The following ARHGAP19 variants were observed in gnomAD, a reference collection of about 807,000 sequenced individuals.
ARHGAP19 encodes the protein Rho GTPase activating protein 19.
A neutral mutation model predicts 60.9 loss-of-function variants in ARHGAP19; 48 were observed. The observed-to-expected ratio is 0.79, with a 90% confidence interval of 0.62 to 1.00. The LOEUF (loss-of-function observed/expected upper bound fraction) is 1.00, where lower values mean the gene tolerates loss of function less well. Among genes scored for constraint, ARHGAP19 ranks in the 50% least tolerant of loss-of-function variants. The probability of loss-of-function intolerance (pLI) is 0.00; values close to 1 mark genes in which losing one functional copy is unlikely to be tolerated. For synonymous variants in ARHGAP19, 209 were observed against 215.5 expected (o/e 0.97, Z 0.27); for missense variants, 562 against 597.2 (o/e 0.94, Z 0.61).
rs1478320473 is a variant in ARHGAP19, at chr10:97,264,852, T to C, written c.377A>G (p.Tyr126Cys). The C allele has an allele frequency of 6.8e-6, 11 of 1,613,266 alleles. No individual in the cohort carries two copies. The highest frequency in any genetic ancestry group is 9.3e-6 in the Non-Finnish European group (11 of 1,179,330). Reference sequence around the variant, plus strand: ...TTTGTGTAGATACTCAATCAGTTGGTATATCTGGGCAATGCCTTCCTCCGT... The same window carrying C: ...TTTGTGTAGATACTCAATCAGTTGGCATATCTGGGCAATGCCTTCCTCCGT... ...PLTEEGIAQIYQLIEYLHKNL... is the reference protein window; with the variant it reads ...PLTEEGIAQICQLIEYLHKNL... Residue 126 changes from tyrosine (Y) to cysteine (C), a missense_variant, in exon 3 of 12, where the codon TAC becomes TGC. By Grantham distance (194) the Tyr-to-Cys change is radical (BLOSUM62 -2). Coordinates refer to ENST00000358531, the MANE Select transcript of ARHGAP19 (RefSeq NM_032900.6).
chr10:97,229,408 T>C (rs1245331520), intron 10 of ARHGAP19, among the ~76,000 whole-genome samples, 183 bp from the exon 11 acceptor site: 2 of 152,146 alleles, frequency 1.3e-5, no homozygotes, highest in African/African-American at 2.4e-5. Flanking sequence ...ATGCCTAGGA[T>C]ATCTTGAACC....
chr10:97,228,572 T>C (rs1850942963), intron 11 of ARHGAP19, among the ~76,000 whole-genome samples: 1 of 152,168 alleles, frequency 6.6e-6, no homozygotes, highest in South Asian at 2.1e-4. Context: ...TCACGGTCTT[T>C]CCATTGACCC....
At chr10:97,258,991 C>T (rs1842792102) in intron 5 of ARHGAP19, among the ~76,000 whole-genome samples, 1 of 152,178 alleles carries the variant, frequency 6.6e-6, no homozygotes. Flanking sequence ...ATCTATAAAT[C>T]CATAAGCTTG....
chr10:97,243,902 CCTA>C, intron 8 of ARHGAP19, 63 bp downstream of exon 8: 4 of 1,402,722 alleles, frequency 2.9e-6, no homozygotes, highest in Non-Finnish European at 1.9e-6. Context: ...AACAATATGA[CCTA>C]CTGATTCTAC....
intron 8 of ARHGAP19, among the ~76,000 whole-genome samples, chr10:97,237,769 G>C (rs1020453257): frequency 6.6e-6 from 1 of 152,010 alleles, no homozygotes; most frequent in Non-Finnish European, 1.5e-5. Flanking sequence ...TACTCGGGAG[G>C]CTGAGGCAGG....
chr10:97,223,694 G>C lies in ARHGAP19; in HGVS notation c.*2428C>G, dbSNP rs1850846417. The C allele has an allele frequency of 6.6e-6, 1 of 152,138 alleles. No homozygotes were observed. The highest frequency in any genetic ancestry group is 1.5e-5 in the Non-Finnish European group (1 of 68,024). The allele number at this position is 152,138 out of a possible 1,614,324, so 9.4% of individuals were successfully genotyped here. On this transcript the variant is annotated 3_prime_UTR_variant, in exon 12 of 12. Coordinates refer to ENST00000358531, the MANE Select transcript of ARHGAP19 (RefSeq NM_032900.6). ...AGATTAAAAAACTCTGTTAAATACTGGCTCAAAAACAATACCTGCCCACCA... is the reference window on the plus strand; with the variant it reads ...AGATTAAAAAACTCTGTTAAATACTCGCTCAAAAACAATACCTGCCCACCA...
chr10:97,229,193 T>C lies in ARHGAP19; in HGVS notation c.1428A>G (p.Thr476=). Reference sequence around the variant, plus strand: ...CTTCAGACCACTTCAATCTTGTTGGTGTCATCGTGACAGCTGGAGAGCCAG... The same window carrying C: ...CTTCAGACCACTTCAATCTTGTTGGCGTCATCGTGACAGCTGGAGAGCCAG... ...LFSGSPAVTM[T]PTRLKWSEGK... is the part of the protein sequence containing the mutation. The change falls in exon 11 of 12, where the codon ACA becomes ACG. Residue 476 remains threonine, a synonymous_variant. Transcript: ENST00000358531. The C allele has an allele frequency of 1.2e-6, 2 of 1,614,190 alleles. No individual in the cohort carries two copies. The highest frequency in any genetic ancestry group is 1.1e-5 in the South Asian group (1 of 91,088).
chr10:97,256,896 C>T (rs890829087), intron 5 of ARHGAP19, among the ~76,000 whole-genome samples: 4 of 151,864 alleles, frequency 2.6e-5, no homozygotes, highest in African/African-American at 4.8e-5. Context: ...CCAAGGCGGG[C>T]AGATCACGAG....
At chr10:97,262,000 G>A (rs1842835390) in intron 4 of ARHGAP19, among the ~76,000 whole-genome samples, 1 of 152,004 alleles carries the variant, frequency 6.6e-6, no homozygotes, top group African/African-American at 2.4e-5. Context: ...TCAGAGAAAA[G>A]GAATATATGT....
chr10:97,268,970 T>C (rs11189087), intron 1 of ARHGAP19, among the ~76,000 whole-genome samples: 1 of 152,220 alleles, frequency 6.6e-6, no homozygotes, highest in African/African-American at 2.4e-5. Context: ...ATCTATTATA[T>C]AACCAACAAA....
At chr10:97,278,859 T>C (rs377468874) in intron 1 of ARHGAP19, among the ~76,000 whole-genome samples, 1 of 152,110 alleles carries the variant, frequency 6.6e-6, no homozygotes, top group African/African-American at 2.4e-5. Flanking sequence ...TGGCTGACTA[T>C]ACCAAAACTG....
chr10:97,236,057 C>A (rs1842373542), intron 8 of ARHGAP19, among the ~76,000 whole-genome samples: 1 of 152,124 alleles, frequency 6.6e-6, no homozygotes, highest in Admixed American at 6.5e-5. Context: ...CTCACTGCAA[C>A]CTCCGCCTCC....
In ARHGAP19 at chr10:97,278,856, C is replaced by G. The variant is rs559073759; in HGVS notation, c.57-12731G>C. 1.1e-3 allele frequency among the ~76,000 whole-genome samples: 171 copies of G among 152,028 alleles called. 3 individuals carry two copies. The South Asian group carries it at 0.033, about 30-fold the overall frequency. ...TCCTGCAGATGTATCTTTTGGCTGA[C>G]TATACCAAAACTGCATACCCACAAA... On this transcript the variant is annotated intron_variant, in intron 1 of 11. Coordinates refer to ENST00000358531, the MANE Select transcript of ARHGAP19 (RefSeq NM_032900.6).
chr10:97,231,870 G>A (rs576232018), intron 9 of ARHGAP19, among the ~76,000 whole-genome samples: 1 of 151,966 alleles, frequency 6.6e-6, no homozygotes, highest in Admixed American at 6.6e-5. Context: ...AATTTTTTAG[G>A]AACTGCCATA....
chr10:97,269,445 T>C (rs1027222376), intron 1 of ARHGAP19, among the ~76,000 whole-genome samples: 1 of 152,202 alleles, frequency 6.6e-6, no homozygotes, highest in Non-Finnish European at 1.5e-5. Flanking sequence ...AATGCTTCTC[T>C]CTTCAACCTT....
At chr10:97,256,576 G>C (rs2134871351) in intron 5 of ARHGAP19, 172 bp from the exon 6 acceptor site, 1 of 519,816 alleles carries the variant, frequency 1.9e-6, no homozygotes, top group Non-Finnish European at 3.4e-6. Flanking sequence ...ACATAATCTA[G>C]AAAAACAATG....
Position 97,226,144 on chromosome 10 carries a change from G to A in ARHGAP19, c.1475-12C>T. ...CCTTCAGAGAAATCCTAGGTTGAAG[G>A]AAAAACAAGAGCGTTAGACATGTTC... On this transcript the variant is annotated splice_polypyrimidine_tract_variant and intron_variant, in intron 11 of 11. Coordinates refer to ENST00000358531, the MANE Select transcript of ARHGAP19 (RefSeq NM_032900.6). The A allele has an allele frequency of 6.2e-7, 1 of 1,613,560 alleles. No homozygotes were observed. The highest frequency in any genetic ancestry group is 8.5e-7 in the Non-Finnish European group (1 of 1,179,640).
At chr10:97,273,620 T>C (rs184041907) in intron 1 of ARHGAP19, among the ~76,000 whole-genome samples, 1 of 151,116 alleles carries the variant, frequency 6.6e-6, no homozygotes, top group Non-Finnish European at 1.5e-5. Flanking sequence ...TCCTGAGTAG[T>C]TGGGATTACA....
chr10:97,251,316 G>GA (rs1415155736), intron 6 of ARHGAP19, among the ~76,000 whole-genome samples: 2 of 64,498 alleles, frequency 3.1e-5, no homozygotes, highest in East Asian at 4.9e-4. Flanking sequence ...GAAGGGAAGG[G>GA]GAAGGGAAGG....
Sources: allele counts gnomAD v4.1 joint callset (sites outside exome capture counted in the v4.1 genomes callset), GRCh38; gene constraint gnomAD v4.1.1; transcripts MANE v1.5; gene names NCBI Gene and HGNC (gene_info 2026-07-23, HGNC 2026-07-21).